NRXN3: variants seen among roughly 807,000 people sequenced by gnomAD.
NRXN3 encodes the protein neurexin 3, also known as neurexin III.
NRXN3 carries 32 observed loss-of-function variants against 137.6 expected under a neutral mutation model. The observed-to-expected ratio is 0.23, with a 90% confidence interval of 0.18 to 0.31. The LOEUF (loss-of-function observed/expected upper bound fraction) is 0.31, where lower values mean the gene tolerates loss of function less well. Ranked by LOEUF, NRXN3 falls within the 10% of genes least tolerant of loss-of-function variation. The probability of loss-of-function intolerance (pLI) is 1.00; values close to 1 mark genes in which losing one functional copy is unlikely to be tolerated. For missense variants in NRXN3, 1,574 were observed against 2,062.5 expected, an observed-to-expected ratio of 0.76 and a Z score of 4.59; for synonymous variants, 798 against 784.5, an observed-to-expected ratio of 1.02 and a Z score of -0.29.
chr14:79,465,349 T>G (rs76066234), intron 15 of NRXN3, among the ~76,000 whole-genome samples: 5,077 of 152,194 alleles, frequency 0.033, 286 homozygotes, highest in African/African-American at 0.12. Flanking sequence ...CAATTCCAAA[T>G]CCTCCAGATG....
intron 4 of NRXN3, among the ~76,000 whole-genome samples, chr14:78,598,253 C>CA (rs1426677850): frequency 1.3e-5 from 2 of 152,156 alleles, no homozygotes; most frequent in African/African-American, 4.8e-5. Flanking sequence ...GCATACCCAG[C>CA]ACCCCCTCAG....
At chr14:79,797,412 G>A (rs538096624) in intron 19 of NRXN3, among the ~76,000 whole-genome samples, 1 of 152,246 alleles carries the variant, frequency 6.6e-6, no homozygotes, top group African/African-American at 2.4e-5. Context: ...TGTTCCAATC[G>A]AAATACTTAA....
At chr14:79,801,756 C>T (rs1246920850) in intron 19 of NRXN3, among the ~76,000 whole-genome samples, 3 of 152,064 alleles carry the variant, frequency 2.0e-5, no homozygotes, top group African/African-American at 7.2e-5. Context: ...TTCACATGTA[C>T]TCATATAGAA....
At position 79,192,765 on chromosome 14, in the gene NRXN3, A is replaced by ATTC. The variant is rs1413090484; in HGVS notation, c.3262+204626_3262+204627insCTT. Among the ~76,000 whole-genome samples the ATTC allele has an allele frequency of 1.0e-4, 12 of 115,300 alleles. 1 individual carries two copies. In the East Asian group the frequency reaches 1.1e-3, roughly 10 times the overall value. 75.6% of individuals were successfully genotyped at this position (115,300 alleles called of 152,430 possible). ...TAAAAAGACATGTACAATTCTCTTA[A>ATTC]TTTTTTTTTTTTTTTTTTTTTTTGA... On this transcript the variant is annotated intron_variant, in intron 15 of 20. Coordinates refer to ENST00000335750, the MANE Select transcript of NRXN3 (RefSeq NM_001330195.2).
chr14:78,895,644 G>A (rs1033003230), intron 10 of NRXN3, among the ~76,000 whole-genome samples: 3 of 151,916 alleles, frequency 2.0e-5, no homozygotes, highest in Non-Finnish European at 4.4e-5. Flanking sequence ...GGCACAAGAA[G>A]CCTAGATCTC....
chr14:79,627,428 T>C (rs1180084506), intron 16 of NRXN3, among the ~76,000 whole-genome samples: 1 of 152,160 alleles, frequency 6.6e-6, no homozygotes, highest in African/African-American at 2.4e-5. Context: ...GCCACTGAGT[T>C]CTATCTTGGT....
intron 16 of NRXN3, among the ~76,000 whole-genome samples, chr14:79,582,482 G>A (rs2097725734): frequency 6.6e-6 from 1 of 152,126 alleles, no homozygotes; most frequent in Admixed American, 6.5e-5. Flanking sequence ...ATGCAGTGGT[G>A]TGATCTCAGC....
At chr14:78,598,759 T>A (rs1039503082) in intron 4 of NRXN3, among the ~76,000 whole-genome samples, 2 of 152,252 alleles carry the variant, frequency 1.3e-5, no homozygotes, top group African/African-American at 4.8e-5. Flanking sequence ...GGCTAAGGTT[T>A]GCAGAGGAGC....
intron 19 of NRXN3, among the ~76,000 whole-genome samples, chr14:79,785,543 C>G (rs540948503): frequency 6.6e-6 from 1 of 152,296 alleles, no homozygotes; most frequent in East Asian, 1.9e-4. Context: ...CAAAGACCAT[C>G]ATCCCCATGA....
intron 10 of NRXN3, among the ~76,000 whole-genome samples, chr14:78,854,100 C>T (rs1422782691): frequency 6.6e-6 from 1 of 152,150 alleles, no homozygotes; most frequent in Non-Finnish European, 1.5e-5. Context: ...TTGGAATAAT[C>T]CACTTAGCCA....
intron 15 of NRXN3, among the ~76,000 whole-genome samples, chr14:79,219,591 G>C (rs1008511517): frequency 1.3e-5 from 2 of 152,132 alleles, no homozygotes; most frequent in African/African-American, 4.8e-5. Context: ...TTCCCCTGAA[G>C]GTACACTGGG....
chr14:78,621,050 G>A (rs1187509845), intron 4 of NRXN3, among the ~76,000 whole-genome samples: 2 of 152,162 alleles, frequency 1.3e-5, no homozygotes, highest in African/African-American at 4.8e-5. Context: ...TGAGCTGTTG[G>A]GGTAAGAAAG....
intron 4 of NRXN3, among the ~76,000 whole-genome samples, chr14:78,506,186 T>C (rs2095986533): frequency 6.6e-6 from 1 of 152,236 alleles, no homozygotes; most frequent in Non-Finnish European, 1.5e-5. Flanking sequence ...GTTTGACTAT[T>C]ACAGATATGT....
intron 15 of NRXN3, among the ~76,000 whole-genome samples, chr14:79,254,170 C>T (rs2076291014): frequency 6.6e-6 from 1 of 152,114 alleles, no homozygotes; most frequent in African/African-American, 2.4e-5. Context: ...AGGCCATCTT[C>T]CAAAAGTCCC....
At chr14:78,959,958 TATAGTC>T (rs1415316327) in intron 11 of NRXN3, among the ~76,000 whole-genome samples, 2 of 152,148 alleles carry the variant, frequency 1.3e-5, no homozygotes, top group Admixed American at 6.5e-5. Context: ...GCTCCAAAAG[TATAGTC>T]ATAAAGAACT....
At chr14:78,845,905 GGTGTGTGTGTGT>G (rs3034390) in intron 10 of NRXN3, among the ~76,000 whole-genome samples, 7 of 146,344 alleles carry the variant, frequency 4.8e-5, no homozygotes, top group African/African-American at 7.5e-5. Flanking sequence ...AGTATGTTGG[GGTGTGTGTGTGT>G]GTGTGTGTGT....
Position 79,467,313 on chromosome 14 carries a change from G to A in NRXN3, c.3355G>A (p.Ala1119Thr), listed in dbSNP as rs1244528095. 1.2e-6 allele frequency: 2 copies of A among 1,613,574 alleles called. No individual in the cohort carries two copies. The highest frequency in any genetic ancestry group is 2.7e-5 in the African/African-American group (2 of 74,930). Residue 1119 changes from alanine to threonine, a missense_variant, in exon 16 of 21, where the codon GCC (alanine) becomes ACC (threonine). By Grantham distance (58) the Ala-to-Thr change is moderately conservative. Around this residue, in one of 5 missense-constraint regions of NRXN3, gnomAD observed 133 missense variants for 241.8 expected, o/e 0.55. Transcript: ENST00000335750. The part of the protein sequence containing the change: ...DRPSTRSDRL[A>T]VGFSTTVKDG... The stretch of plus-strand genomic sequence containing the variant: ...GCCCAGCACGCGGTCTGACCGCCTT[G>A]CCGTGGGCTTCAGCACCACTGTGAA...
chr14:79,210,006 G>A (rs957686716), intron 15 of NRXN3, among the ~76,000 whole-genome samples: 43 of 152,278 alleles, frequency 2.8e-4, no homozygotes, highest in Admixed American at 1.0e-3. Flanking sequence ...GGTTATAAGC[G>A]TAAGTGAATT....
At chr14:78,856,919 A>C (rs2099058904) in intron 10 of NRXN3, among the ~76,000 whole-genome samples, 1 of 152,006 alleles carries the variant, frequency 6.6e-6, no homozygotes, top group Non-Finnish European at 1.5e-5. Context: ...TTTTTGTAGA[A>C]ACATGGTTTC....
Sources: gnomAD v4.1 joint callset for allele counts (sites outside exome capture counted in the v4.1 genomes callset) on GRCh38, gnomAD v4.1.1 for gene constraint, gnomAD v4.1.1 regional missense constraint, MANE v1.5 for transcripts, NCBI Gene and HGNC (gene_info 2026-07-23, HGNC 2026-07-21) for gene names.